KCNMB2: variants seen among roughly 807,000 people sequenced by gnomAD.
The protein encoded by KCNMB2 is potassium calcium-activated channel subfamily M regulatory beta subunit 2.
In KCNMB2, 9 loss-of-function variants were observed where a neutral mutation model predicts 24.5. The observed-to-expected ratio is 0.37, with a 90% CI of 0.22 to 0.64. KCNMB2 has a LOEUF of 0.64. Among genes scored for constraint, KCNMB2 ranks in the 30% least tolerant of loss-of-function variants. KCNMB2 has a pLI of 0.63. For synonymous variants in KCNMB2, 109 were observed against 104.4 expected, an observed-to-expected ratio of 1.04 and a Z score of -0.27; for missense variants, 226 against 284.3, an observed-to-expected ratio of 0.79 and a Z score of 1.47.
At chr3:178,683,124 T>C (rs745952838) in intron 1 of KCNMB2, among the ~76,000 whole-genome samples, 2 of 152,110 alleles carry the variant, frequency 1.3e-5, no homozygotes, top group Non-Finnish European at 2.9e-5. Flanking sequence ...ATATACACCA[T>C]GGAATACTAC....
intron 1 of KCNMB2, among the ~76,000 whole-genome samples, chr3:178,749,545 A>C (rs1273322027): frequency 6.6e-6 from 1 of 152,260 alleles, no homozygotes; most frequent in South Asian, 2.1e-4. Context: ...GAGAAAATTT[A>C]ATCTAGATAC....
At chr3:178,757,935 A>ATC (rs1560006145) in intron 1 of KCNMB2, among the ~76,000 whole-genome samples, 11 of 130,690 alleles carry the variant, frequency 8.4e-5, no homozygotes, top group African/African-American at 1.7e-4. Context: ...ATATATATAT[A>ATC]CACAAGGGGA....
At position 178,844,081 on chromosome 3, in the gene KCNMB2, G is replaced by A. The variant is rs1429027942; in HGVS notation, c.*1144G>A. On this transcript the variant is annotated 3_prime_UTR_variant, in exon 5 of 5. Coordinates refer to ENST00000452583, the MANE Select transcript of KCNMB2 (RefSeq NM_181361.3). Reference sequence around the variant, plus strand: ...GAACTGAATAACAGACTTAAAGAAAGCCTTTGTTCACATTGCTATTTACTT... The same window carrying A: ...GAACTGAATAACAGACTTAAAGAAAACCTTTGTTCACATTGCTATTTACTT... The A allele has an allele frequency of 6.6e-6, 1 of 152,382 alleles. No homozygotes were observed. The highest frequency in any genetic ancestry group is 2.4e-5 in the African/African-American group (1 of 41,406). The allele number at this position is 152,382 out of a possible 1,614,324, so 9.4% of individuals were successfully genotyped here.
At chr3:178,805,157 C>A (rs1713915695) in intron 1 of KCNMB2, among the ~76,000 whole-genome samples, 1 of 152,140 alleles carries the variant, frequency 6.6e-6, no homozygotes, top group Non-Finnish European at 1.5e-5. Flanking sequence ...TGTATGAATT[C>A]TTGCATCTGT....
At chr3:178,678,758 G>C (rs34305179) in intron 1 of KCNMB2, among the ~76,000 whole-genome samples, 48,668 of 152,034 alleles carry the variant, frequency 0.32, 8,368 homozygotes, top group African/African-American at 0.44. Flanking sequence ...TGGTGAAGGG[G>C]AGACCAACAT....
At chr3:178,640,251 G>A (rs1441991193) in intron 1 of KCNMB2, among the ~76,000 whole-genome samples, 1 of 152,148 alleles carries the variant, frequency 6.6e-6, no homozygotes, top group East Asian at 1.9e-4. Context: ...AAGAAAAGAG[G>A]TTTAATTGAC....
rs113870433 is a variant in KCNMB2 at position 178,697,041 on chromosome 3, A to C, written c.-67-110302A>C. ...CACTTCTGAATGTGACCAATTTTAG[A>C]GTATGTGCCATGTGGTAATAAGAAG... On this transcript the variant is annotated intron_variant, in intron 1 of 4. Transcript: ENST00000452583. Among the ~76,000 whole-genome samples the C allele has an allele frequency of 1.7e-3, 255 of 152,290 alleles. 1 individual carries two copies. The highest frequency in any genetic ancestry group is 5.9e-3 in the African/African-American group (244 of 41,562).
chr3:178,684,967 T>C (rs1368508666), intron 1 of KCNMB2, among the ~76,000 whole-genome samples: 1 of 152,238 alleles, frequency 6.6e-6, no homozygotes, highest in Non-Finnish European at 1.5e-5. Context: ...ATCTGTGAAG[T>C]TTTCCCTTTC....
At chr3:178,648,081 GC>G (rs1373350688) in intron 1 of KCNMB2, among the ~76,000 whole-genome samples, 3 of 152,016 alleles carry the variant, frequency 2.0e-5, no homozygotes, top group Non-Finnish European at 4.4e-5. Flanking sequence ...TGCATGCAGA[GC>G]CCTATTTTTC....
chr3:178,770,720 A>G lies in KCNMB2; in HGVS notation c.-67-36623A>G, dbSNP rs115946758. Among the ~76,000 whole-genome samples, 1,191 of 152,374 alleles carry G rather than the reference A, an allele frequency of 7.8e-3. 15 individuals carry two copies. The highest frequency in any genetic ancestry group is 0.028 in the African/African-American group (1,158 of 41,592). On this transcript the variant is annotated intron_variant, in intron 1 of 4. Coordinates refer to ENST00000452583, the MANE Select transcript of KCNMB2 (RefSeq NM_181361.3). ...TGATAGAGTCCATACACATTTTACT[A>G]TCACTGAAATTTACATAAAGTATTT...
intron 3 of KCNMB2, among the ~76,000 whole-genome samples, chr3:178,826,220 A>C (rs1476410948): frequency 6.6e-6 from 1 of 151,822 alleles, no homozygotes; most frequent in African/African-American, 2.4e-5. Context: ...CTTCCACGTG[A>C]GTGGTTCTCA....
intron 1 of KCNMB2, among the ~76,000 whole-genome samples, chr3:178,624,244 ATTTTT>A (rs35333167): frequency 0.64 from 91,789 of 144,384 alleles, 29,354 homozygotes; most frequent in African/African-American, 0.81. Flanking sequence ...TTACTGGGTA[ATTTTT>A]TTTTTTTTTT....
At chr3:178,754,996 C>T (rs1723981898) in intron 1 of KCNMB2, among the ~76,000 whole-genome samples, 1 of 152,246 alleles carries the variant, frequency 6.6e-6, no homozygotes, top group South Asian at 2.1e-4. Flanking sequence ...GAAATTAAAG[C>T]TCAGTGCAGA....
chr3:178,609,404 GT>G (rs147957578), intron 1 of KCNMB2, among the ~76,000 whole-genome samples: 6,626 of 150,222 alleles, frequency 0.044, 457 homozygotes, highest in African/African-American at 0.15. Context: ...TGTCTGAGGT[GT>G]TTTTTTTTCC....
chr3:178,674,990 C>T (rs913800877), intron 1 of KCNMB2, among the ~76,000 whole-genome samples: 5 of 152,224 alleles, frequency 3.3e-5, no homozygotes, highest in African/African-American at 1.2e-4. Flanking sequence ...ATTGCAGCTC[C>T]TGCACTTCCT....
In KCNMB2 at chr3:178,587,752, T is replaced by A. The variant is rs535003887; in HGVS notation, c.-68+51041T>A. Among the ~76,000 whole-genome samples the A allele has an allele frequency of 4.4e-4, 67 of 151,770 alleles. No individual in the cohort carries two copies. In the South Asian group the frequency reaches 0.01, roughly 24 times the overall value. The stretch of plus-strand genomic sequence containing the variant: ...TGAGCCAGTAATCTTTTTTTTTTTT[T>A]TATACGTTAAGTTTTAGGGCACATG... On this transcript the variant is annotated intron_variant, in intron 1 of 4. Transcript: ENST00000452583.
intron 1 of KCNMB2, among the ~76,000 whole-genome samples, chr3:178,643,268 T>C (rs1395139966): frequency 1.3e-5 from 2 of 152,168 alleles, no homozygotes; most frequent in African/African-American, 2.4e-5. Context: ...GTGGAAGGGA[T>C]AGAAGTGGTG....
chr3:178,628,630 G>A (rs974010254), intron 1 of KCNMB2, among the ~76,000 whole-genome samples: 1 of 152,114 alleles, frequency 6.6e-6, no homozygotes, highest in African/African-American at 2.4e-5. Flanking sequence ...GAATCATTAT[G>A]GGAAGATGCC....
intron 1 of KCNMB2, among the ~76,000 whole-genome samples, chr3:178,558,075 C>A (rs1307977991): frequency 6.6e-6 from 1 of 152,102 alleles, no homozygotes; most frequent in Admixed American, 6.5e-5. Flanking sequence ...GAAAAAAAAA[C>A]TATGTGCAAT....
Sources: allele counts gnomAD v4.1 joint callset (sites outside exome capture counted in the v4.1 genomes callset), GRCh38; gene constraint gnomAD v4.1.1; transcripts MANE v1.5; gene names NCBI Gene and HGNC (gene_info 2026-07-23, HGNC 2026-07-21).